The following ZNF37A variants were observed in gnomAD, a reference collection of about 807,000 sequenced individuals.
ZNF37A encodes the protein zinc finger protein 37A.
Under a neutral mutation model 12.3 loss-of-function variants are expected in ZNF37A, and 10 were observed. That is an observed-to-expected ratio of 0.82 (90% CI 0.50 to 1.38). ZNF37A has a LOEUF of 1.38. Ranked by LOEUF, ZNF37A falls within the 40% of genes most tolerant of loss-of-function variation. The pLI is 0.00. For missense variants in ZNF37A, 580 were observed against 651.2 expected (o/e 0.89, Z 1.19); for synonymous variants, 207 against 223.0 (o/e 0.93, Z 0.64).
chr10:38,136,040 C>T (rs1303454355), intron 7 of ZNF37A, among the ~76,000 whole-genome samples: 1 of 152,178 alleles, frequency 6.6e-6, no homozygotes, highest in African/African-American at 2.4e-5. Flanking sequence ...AAATGAACCC[C>T]TTTAGCTTTA....
At chr10:38,129,573 C>T (rs1223319500), downstream of ZNF37A, among the ~76,000 whole-genome samples, 2 of 152,036 alleles carry the variant, frequency 1.3e-5, 1 homozygote, top group Non-Finnish European at 2.9e-5. Flanking sequence ...GCTACTCTGC[C>T]TATGGAGTAG....
intron 5 of ZNF37A, among the ~76,000 whole-genome samples, chr10:38,105,430 A>G (rs979560667): frequency 2.6e-5 from 4 of 152,230 alleles, no homozygotes; most frequent in African/African-American, 7.2e-5. Context: ...TGATGTATTA[A>G]AACATTTTAG....
chr10:38,109,908 G>A (rs2068487344), intron 5 of ZNF37A, among the ~76,000 whole-genome samples: 1 of 152,106 alleles, frequency 6.6e-6, no homozygotes, highest in South Asian at 2.1e-4. Flanking sequence ...GTGAAAATGG[G>A]CATATTGCCC....
chr10:38,128,236 TATAATAGGAGG>T (rs1339304079), downstream of ZNF37A, among the ~76,000 whole-genome samples: 4 of 152,166 alleles, frequency 2.6e-5, no homozygotes, highest in African/African-American at 9.7e-5. Context: ...AGGGGGTTAA[TATAATAGGAGG>T]AAGGATGCAC....
At chr10:38,138,999 T>G (rs188581645) in intron 7 of ZNF37A, 1 of 152,334 alleles carries the variant, frequency 6.6e-6, no homozygotes, top group Admixed American at 6.5e-5. Flanking sequence ...TAGCATCATT[T>G]TAGAGCTGTA....
chr10:38,112,377 G>A (rs1392498407), intron 5 of ZNF37A, among the ~76,000 whole-genome samples: 1 of 152,024 alleles, frequency 6.6e-6, no homozygotes, highest in East Asian at 1.9e-4. Flanking sequence ...CCTAACCCAT[G>A]TATGCCTAGT....
intron 5 of ZNF37A, among the ~76,000 whole-genome samples, chr10:38,114,216 C>G (rs1481159393): frequency 6.6e-6 from 1 of 152,206 alleles, no homozygotes; most frequent in African/African-American, 2.4e-5. Flanking sequence ...TGCTCTTATC[C>G]TGTTAAGCAG....
intron 5 of ZNF37A, among the ~76,000 whole-genome samples, chr10:38,114,433 C>T (rs1317598222): frequency 1.3e-5 from 2 of 152,122 alleles, no homozygotes; most frequent in Non-Finnish European, 2.9e-5. Flanking sequence ...ATGTATGTTT[C>T]CTTATGAGAA....
intron 5 of ZNF37A, among the ~76,000 whole-genome samples, chr10:38,097,980 C>T (rs1422939119): frequency 2.0e-5 from 3 of 152,100 alleles, no homozygotes. Context: ...TCCCTTTTTC[C>T]CCTCTGCTCC....
At chr10:38,139,089 C>T (rs1332130915) in intron 7 of ZNF37A, 1 of 152,128 alleles carries the variant, frequency 6.6e-6, no homozygotes, top group Non-Finnish European at 1.5e-5. Flanking sequence ...TAAATTGATG[C>T]CAGTGTTCTT....
At chr10:38,141,823 A>C (rs1044301048) in intron 7 of ZNF37A, 7 of 152,184 alleles carry the variant, frequency 4.6e-5, no homozygotes, top group Non-Finnish European at 1.0e-4. Context: ...AAAGAGGCTA[A>C]AGCGGGCTGG....
chr10:38,129,423 G>A (rs986556943), downstream of ZNF37A, among the ~76,000 whole-genome samples: 3 of 151,588 alleles, frequency 2.0e-5, no homozygotes, highest in African/African-American at 7.3e-5. Context: ...TGTACAGATG[G>A]CCACCCTCCA....
chr10:38,126,870 C>T (rs1446938911), downstream of ZNF37A, among the ~76,000 whole-genome samples: 4 of 152,108 alleles, frequency 2.6e-5, no homozygotes, highest in Non-Finnish European at 5.9e-5. Context: ...TGGGGTTGGC[C>T]CATTTCTCTG....
chr10:38,112,766 T>TTTTCC lies in ZNF37A; in HGVS notation c.16-1985_16-1984insCTTTC, dbSNP rs2068870668. On this transcript the variant is annotated intron_variant, in intron 5 of 7. Transcript: ENST00000685332. The stretch of plus-strand genomic sequence containing the variant: ...TTTTCTTTTCTTTTCTTTTCTTTTC[T>TTTTCC]TTTCTTTTCTTTTCTTTTCTTTTCT... Among the ~76,000 whole-genome samples, 4 of 58,042 alleles carry TTTTCC rather than the reference T, an allele frequency of 6.9e-5. 1 individual carries two copies. The highest frequency in any genetic ancestry group is 2.8e-4 in the African/African-American group (4 of 14,354). 38.1% of individuals were successfully genotyped at this position (58,042 alleles called of 152,430 possible). A position where few individuals can be genotyped will look rare whatever the true frequency, so the allele number is the denominator to read the frequency against.
intron 5 of ZNF37A, among the ~76,000 whole-genome samples, chr10:38,110,381 C>A (rs191997171): frequency 0.042 from 6,442 of 152,208 alleles, 191 homozygotes; most frequent in Non-Finnish European, 0.06. Context: ...ACCATAAAAA[C>A]CCTAGAGGAA....
chr10:38,144,634 C>T, intron 7 of ZNF37A, among the ~76,000 whole-genome samples: 1 of 152,152 alleles, frequency 6.6e-6, no homozygotes. Flanking sequence ...GTGGAGCCCA[C>T]GTGGGTGGCA....
downstream of ZNF37A, among the ~76,000 whole-genome samples, chr10:38,129,319 A>AAAAAAAAAAAAAAACAAAAAAAAAAAAC: frequency 8.6e-6 from 1 of 116,228 alleles, no homozygotes; most frequent in African/African-American, 3.6e-5. Context: ...AAAAAAAAAA[A>AAAAAAAAAAAAAAACAAAAAAAAAAAAC]AAACTATTAT....
At chr10:38,148,780 G>A (rs1181825894) in exon 8 of ZNF37A, 1 of 152,016 alleles carries the variant, frequency 6.6e-6, no homozygotes, top group African/African-American at 2.4e-5. Context: ...CCATCAATAG[G>A]TCTGCTTGTC....
intron 5 of ZNF37A, 71 bp from the exon 6 acceptor site, chr10:38,114,684 G>A (rs1222319350): frequency 1.3e-6 from 2 of 1,594,432 alleles, no homozygotes; most frequent in Non-Finnish European, 1.7e-6. Flanking sequence ...GTAAGAATTA[G>A]TCCCTAAACA....
Sources: allele counts gnomAD v4.1 joint callset (sites outside exome capture counted in the v4.1 genomes callset), GRCh38; gene constraint gnomAD v4.1.1; transcripts MANE v1.5; gene names NCBI Gene and HGNC (gene_info 2026-07-23, HGNC 2026-07-21).